The following SLC35F4 variants were observed in gnomAD, a reference collection of about 807,000 sequenced individuals.
The protein encoded by SLC35F4 is chromosome 14 open reading frame 36.
Under a neutral mutation model 44.2 loss-of-function variants are expected in SLC35F4, and 24 were observed. The observed-to-expected ratio is 0.54, with a 90% CI of 0.39 to 0.76. The LOEUF (loss-of-function observed/expected upper bound fraction) is 0.76, where lower values mean the gene tolerates loss of function less well. Among genes scored for constraint, SLC35F4 ranks in the 30% least tolerant of loss-of-function variants. The pLI is 0.00. For synonymous variants in SLC35F4, 238 were observed against 223.6 expected (o/e 1.06, Z -0.57); for missense variants, 562 against 586.1 (o/e 0.96, Z 0.42).
intron 1 of SLC35F4, 68 bp downstream of exon 1, chr14:57,865,655 C>A: frequency 7.4e-7 from 1 of 1,350,542 alleles, no homozygotes; most frequent in East Asian, 2.8e-5. Context: ...CCGTCCGCAT[C>A]CCCGCGGCAC....
chr14:57,827,803 C>CAA (rs5808943), intron 1 of SLC35F4, among the ~76,000 whole-genome samples: 10 of 128,140 alleles, frequency 7.8e-5, no homozygotes, highest in African/African-American at 1.5e-4. Context: ...CCTTATTTTT[C>CAA]AAAAAAAAAA....
intron 3 of SLC35F4, among the ~76,000 whole-genome samples, chr14:57,585,936 A>G (rs1329099859): frequency 6.6e-6 from 1 of 152,226 alleles, no homozygotes; most frequent in Non-Finnish European, 1.5e-5. Flanking sequence ...CTTCCCATCA[A>G]GCTATCATTG....
intron 1 of SLC35F4, among the ~76,000 whole-genome samples, chr14:57,626,788 GC>G (rs1280833906): frequency 1.2e-4 from 19 of 152,210 alleles, no homozygotes; most frequent in Admixed American, 1.1e-3. Flanking sequence ...ATGTTCTCAG[GC>G]AAGAACATCA....
At chr14:57,586,714 T>A in intron 3 of SLC35F4, among the ~76,000 whole-genome samples, 2 of 45,770 alleles carry the variant, frequency 4.4e-5, no homozygotes, top group Non-Finnish European at 7.1e-5. Context: ...CGAGACTCTG[T>A]CTCAAAAAAA....
intron 1 of SLC35F4, among the ~76,000 whole-genome samples, chr14:57,766,653 T>C (rs2077241911): frequency 6.6e-6 from 1 of 152,186 alleles, no homozygotes; most frequent in South Asian, 2.1e-4. Context: ...TAAAATGAAA[T>C]TCAAATTTAT....
At chr14:57,699,264 T>C (rs1003689738) in intron 1 of SLC35F4, among the ~76,000 whole-genome samples, 1 of 152,180 alleles carries the variant, frequency 6.6e-6, no homozygotes, top group Non-Finnish European at 1.5e-5. Context: ...AATAGAGGAT[T>C]TGGGGACAAT....
intron 1 of SLC35F4, among the ~76,000 whole-genome samples, chr14:57,804,684 C>A (rs1368506913): frequency 6.6e-6 from 1 of 152,168 alleles, no homozygotes; most frequent in Non-Finnish European, 1.5e-5. Flanking sequence ...ATAATCCAGG[C>A]AATAGCATTC....
chr14:57,630,043 C>G (rs887713922), intron 1 of SLC35F4: 52 of 537,440 alleles, frequency 9.7e-5, no homozygotes, highest in African/African-American at 8.4e-4. Context: ...TTTCTACATT[C>G]GCTGTCCAAG....
intron 2 of SLC35F4, among the ~76,000 whole-genome samples, chr14:57,589,751 C>T (rs2070036538): frequency 6.6e-6 from 1 of 152,196 alleles, no homozygotes; most frequent in African/African-American, 2.4e-5. Flanking sequence ...TGAGGTTGCT[C>T]ATGCGGATGT....
chr14:57,966,455 C>T (rs192254128), intron 1 of SLC35F4, among the ~76,000 whole-genome samples: 37 of 149,898 alleles, frequency 2.5e-4, no homozygotes, highest in Non-Finnish European at 5.0e-4. Context: ...AACAAATTGA[C>T]CCATAAACCA....
At chr14:57,864,277 TA>T (rs1249990069) in intron 1 of SLC35F4, among the ~76,000 whole-genome samples, 1 of 152,190 alleles carries the variant, frequency 6.6e-6, no homozygotes, top group African/African-American at 2.4e-5. Context: ...CCTTTGCCAA[TA>T]AAAAAGGAGA....
chr14:57,923,214 G>A (rs1889477287), intron 1 of SLC35F4, among the ~76,000 whole-genome samples: 1 of 152,134 alleles, frequency 6.6e-6, no homozygotes, highest in African/African-American at 2.4e-5. Context: ...TTCTCAAAGT[G>A]TATTTAAGAT....
At chr14:57,707,798 A>T (rs1408367023) in intron 1 of SLC35F4, among the ~76,000 whole-genome samples, 2 of 152,198 alleles carry the variant, frequency 1.3e-5, no homozygotes, top group Admixed American at 1.3e-4. Flanking sequence ...TTGCAAAATT[A>T]TAACTGAGGA....
At chr14:57,768,057 A>C (rs1019295709) in intron 1 of SLC35F4, among the ~76,000 whole-genome samples, 2 of 152,196 alleles carry the variant, frequency 1.3e-5, no homozygotes, top group African/African-American at 4.8e-5. Context: ...TCACTGGAGA[A>C]TTCTAGATGT....
intron 1 of SLC35F4, among the ~76,000 whole-genome samples, chr14:57,943,700 C>T (rs1177070927): frequency 3.3e-5 from 5 of 152,232 alleles, no homozygotes; most frequent in African/African-American, 9.7e-5. Flanking sequence ...TGGATGGGCC[C>T]AGCTGAACTT....
At chr14:57,810,147 C>T (rs771155218) in intron 1 of SLC35F4, among the ~76,000 whole-genome samples, 9 of 152,200 alleles carry the variant, frequency 5.9e-5, no homozygotes, top group Non-Finnish European at 1.2e-4. Flanking sequence ...ACATGCCCCT[C>T]CTCCATCCTG....
At chr14:57,637,519 C>T (rs926616290) in intron 1 of SLC35F4, among the ~76,000 whole-genome samples, 4 of 152,068 alleles carry the variant, frequency 2.6e-5, no homozygotes, top group Non-Finnish European at 5.9e-5. Flanking sequence ...TATAAAGAAA[C>T]ACACGCAAAT....
At chr14:57,954,951 A>T (rs953257824) in intron 1 of SLC35F4, among the ~76,000 whole-genome samples, 5 of 52,912 alleles carry the variant, frequency 9.4e-5, no homozygotes, top group African/African-American at 4.1e-4. Flanking sequence ...TCCTGATTAA[A>T]AAAAAAAAAA....
At position 57,896,458 on chromosome 14, in the gene SLC35F4, G is replaced by C. The variant is rs189287282; in HGVS notation, n.282+85455C>G. Among the ~76,000 whole-genome samples the C allele has an allele frequency of 2.7e-3, 406 of 152,262 alleles. 3 individuals carry two copies. The highest frequency in any genetic ancestry group is 4.7e-3 in the Non-Finnish European group (317 of 68,000). ...CATTGGGAGGATATTAACTGAGATG[G>C]AGTATGAGGAAACCCTCTAGGATGC... is the stretch of plus-strand genomic sequence containing the variant. On this transcript the variant is annotated intron_variant and non_coding_transcript_variant, in intron 1 of 1. Coordinates refer to the SLC35F4 transcript ENST00000556568.
Sources: allele counts gnomAD v4.1 joint callset (sites outside exome capture counted in the v4.1 genomes callset), GRCh38; gene constraint gnomAD v4.1.1; transcripts MANE v1.5; gene names NCBI Gene and HGNC (gene_info 2026-07-23, HGNC 2026-07-21).